EXOC4: variants seen among roughly 807,000 people sequenced by gnomAD.
EXOC4 encodes the protein exocyst complex component 4.
Under a neutral mutation model 107.2 loss-of-function variants are expected in EXOC4, and 71 were observed. That is an observed-to-expected ratio of 0.66 (90% CI 0.55 to 0.81). The LOEUF (loss-of-function observed/expected upper bound fraction) is 0.81. EXOC4 is among the 30% of genes least tolerant of loss of function. EXOC4 has a pLI of 0.00. For missense variants in EXOC4, 1,108 were observed against 1,189.6 expected (o/e 0.93, Z 1.01); for synonymous variants, 456 against 441.2 (o/e 1.03, Z -0.42).
intron 10 of EXOC4, among the ~76,000 whole-genome samples, chr7:133,699,108 G>A (rs112135779): frequency 4.1e-4 from 63 of 152,226 alleles, no homozygotes; most frequent in African/African-American, 9.1e-4. Context: ...AGGATAGTTC[G>A]AAATCTTAAG....
In EXOC4 at chr7:133,808,053, A is replaced by G. The variant is rs569586330; in HGVS notation, c.1515-9272A>G. Among the ~76,000 whole-genome samples the G allele has an allele frequency of 2.0e-5, 3 of 152,324 alleles. No individual in the cohort carries two copies. The East Asian group carries it at 5.8e-4, about 29-fold the overall frequency. ...CTACTTCCAGACATGAATTGCACAC[A>G]TTACAAATAAGAGCACCCAAATCCC... is the stretch of plus-strand genomic sequence containing the variant. On this transcript the variant is annotated intron_variant, in intron 10 of 17. Coordinates refer to ENST00000253861, the MANE Select transcript of EXOC4 (RefSeq NM_021807.4).
chr7:133,549,165 G>GT (rs959440501), intron 9 of EXOC4, among the ~76,000 whole-genome samples: 4 of 151,788 alleles, frequency 2.6e-5, no homozygotes, highest in East Asian at 1.9e-4. Context: ...CACCAGTTTG[G>GT]TTTTTTTTAG....
intron 11 of EXOC4, among the ~76,000 whole-genome samples, chr7:133,853,551 ATCT>A (rs1301906346): frequency 6.6e-6 from 1 of 152,098 alleles, no homozygotes. Flanking sequence ...TATTGTCAGT[ATCT>A]CATCAGTTTT....
chr7:133,509,376 C>G (rs891959724), intron 9 of EXOC4, among the ~76,000 whole-genome samples: 12 of 151,060 alleles, frequency 7.9e-5, no homozygotes, highest in Non-Finnish European at 1.5e-4. Context: ...TGCAGTGAGC[C>G]GAGATCACAC....
intron 10 of EXOC4, among the ~76,000 whole-genome samples, chr7:133,676,907 TG>T (rs1252505027): frequency 1.3e-5 from 2 of 148,602 alleles, no homozygotes; most frequent in African/African-American, 2.5e-5. Context: ...AATAAATTAT[TG>T]GGGGGTATGT....
chr7:133,726,377 C>A (rs1795215122), intron 10 of EXOC4, among the ~76,000 whole-genome samples: 1 of 152,188 alleles, frequency 6.6e-6, no homozygotes, highest in African/African-American at 2.4e-5. Context: ...GTAATAGGCA[C>A]ACGTATGTGT....
At chr7:133,609,218 A>C (rs1296098913) in intron 9 of EXOC4, among the ~76,000 whole-genome samples, 1 of 152,218 alleles carries the variant, frequency 6.6e-6, no homozygotes, top group Admixed American at 6.5e-5. Flanking sequence ...AGGTAATAAA[A>C]AAGGAATAAT....
At chr7:133,551,277 A>G (rs1800583038) in intron 9 of EXOC4, among the ~76,000 whole-genome samples, 1 of 152,162 alleles carries the variant, frequency 6.6e-6, no homozygotes, top group African/African-American at 2.4e-5. Flanking sequence ...CCCTTGTTGC[A>G]TGCTGAATTC....
At chr7:133,302,504 C>A (rs1035042610) in intron 3 of EXOC4, among the ~76,000 whole-genome samples, 1 of 152,080 alleles carries the variant, frequency 6.6e-6, no homozygotes, top group Non-Finnish European at 1.5e-5. Flanking sequence ...ATATAGTAAT[C>A]TAACTTAAAG....
rs1391197446 is a variant in EXOC4, at chr7:133,356,567, A to C, written c.1001A>C (p.Gln334Pro). The C allele has an allele frequency of 4.3e-6, 7 of 1,613,794 alleles. No individual in the cohort carries two copies. The highest frequency in any genetic ancestry group is 1.3e-5 in the African/African-American group (1 of 74,916). The change falls in exon 6 of 18, where the codon CAA becomes CCA. Residue 334 changes from glutamine to proline, a missense_variant. Coordinates refer to ENST00000253861, the MANE Select transcript of EXOC4 (RefSeq NM_021807.4). ...QRGENVTVEN[Q>P]PRLLLELLEL... ...GGGGAGAACGTTACTGTGGAGAACC[A>C]ACCAAGGTAGGTGGGAGTGTATTTT...
At chr7:133,527,985 G>C (rs988179679) in intron 9 of EXOC4, among the ~76,000 whole-genome samples, 2 of 152,190 alleles carry the variant, frequency 1.3e-5, no homozygotes, top group African/African-American at 4.8e-5. Flanking sequence ...TGTAAGGCTT[G>C]TTAAAACACA....
At chr7:133,424,762 T>G (rs555441272) in intron 7 of EXOC4, among the ~76,000 whole-genome samples, 1 of 152,344 alleles carries the variant, frequency 6.6e-6, no homozygotes, top group African/African-American at 2.4e-5. Context: ...CATAAAAATG[T>G]GATCAGCTTG....
intron 3 of EXOC4, among the ~76,000 whole-genome samples, chr7:133,299,893 A>G (rs1382302050): frequency 2.6e-5 from 4 of 152,090 alleles, no homozygotes; most frequent in Admixed American, 6.6e-5. Context: ...TTGTTAATGC[A>G]CCAACAAGCA....
chr7:133,773,512 G>A (rs547306919), intron 10 of EXOC4, among the ~76,000 whole-genome samples: 5 of 148,076 alleles, frequency 3.4e-5, no homozygotes, highest in South Asian at 4.2e-4. Flanking sequence ...TGAGCTCCCT[G>A]GACAATTGTG....
At chr7:133,317,223 A>T (rs1795008951) in intron 4 of EXOC4, 61 bp from the exon 5 acceptor site, 1 of 1,141,534 alleles carries the variant, frequency 8.8e-7, no homozygotes. Context: ...GTGGGGCTGT[A>T]GTGGGAGGAC....
chr7:134,091,779 C>T, the EXOC4 span, among the ~76,000 whole-genome samples: 18 of 152,132 alleles, frequency 1.2e-4, no homozygotes, highest in Admixed American at 1.1e-3. Context: ...CTCTGTTTCT[C>T]AGTTGATAAG....
chr7:134,092,039 A>C, the EXOC4 span, among the ~76,000 whole-genome samples: 1 of 152,114 alleles, frequency 6.6e-6, no homozygotes, highest in Non-Finnish European at 1.5e-5. Flanking sequence ...AAAATCTGAA[A>C]CACCTTTGTT....
intron 10 of EXOC4, among the ~76,000 whole-genome samples, chr7:133,730,897 A>G (rs1795312734): frequency 6.6e-6 from 1 of 152,180 alleles, no homozygotes; most frequent in South Asian, 2.1e-4. Context: ...GGCCTTTAGT[A>G]AGGTTAAATA....
intron 5 of EXOC4, among the ~76,000 whole-genome samples, chr7:133,338,395 C>T (rs1795571784): frequency 1.3e-5 from 2 of 150,070 alleles, no homozygotes; most frequent in African/African-American, 2.4e-5. Context: ...AGATCGAGAC[C>T]ATCCTGGCTA....
Sources: gnomAD v4.1 joint callset for allele counts (sites outside exome capture counted in the v4.1 genomes callset) on GRCh38, gnomAD v4.1.1 for gene constraint, MANE v1.5 for transcripts, NCBI Gene and HGNC (gene_info 2026-07-23, HGNC 2026-07-21) for gene names.